Variants in VPS41 observed in about 807,000 individuals in gnomAD.
VPS41 encodes the protein VPS41 subunit of HOPS complex.
VPS41 carries 85 observed loss-of-function variants against 130.9 expected under a neutral mutation model. The observed-to-expected ratio is 0.65, with a 90% CI of 0.55 to 0.78. The LOEUF is 0.78. VPS41 is among the 30% of genes least tolerant of loss of function. The pLI is 0.00. For synonymous variants in VPS41, 335 were observed against 332.9 expected (o/e 1.01, Z -0.07); for missense variants, 874 against 1,018.7 (o/e 0.86, Z 1.93).
intron 2 of VPS41, among the ~76,000 whole-genome samples, chr7:38,890,874 C>T (rs4275134): frequency 0.89 from 134,792 of 152,028 alleles, 59,829 homozygotes; most frequent in East Asian, 1. Context: ...TTTGTAGAGA[C>T]GGGGTCTCAC....
chr7:38,832,315 CTTTCTT>C (rs1785403207), intron 4 of VPS41, among the ~76,000 whole-genome samples: 4 of 126,388 alleles, frequency 3.2e-5, no homozygotes, highest in African/African-American at 1.2e-4. Context: ...CATTTTCTTT[CTTTCTT>C]TTTTTTTTTT....
intron 2 of VPS41, among the ~76,000 whole-genome samples, chr7:38,892,259 G>C (rs1387254604): frequency 2.6e-5 from 4 of 152,090 alleles, no homozygotes; most frequent in Non-Finnish European, 5.9e-5. Context: ...AGTATAACTA[G>C]AGGTTGGAGC....
chr7:38,838,456 G>A (rs112004031), intron 4 of VPS41, among the ~76,000 whole-genome samples: 42 of 152,270 alleles, frequency 2.8e-4, no homozygotes, highest in African/African-American at 9.4e-4. Context: ...AAAGAGATGA[G>A]AGAAAAGAAG....
chr7:38,832,382 C>T (rs1033574730), intron 4 of VPS41, among the ~76,000 whole-genome samples: 98 of 146,516 alleles, frequency 6.7e-4, no homozygotes, highest in African/African-American at 2.3e-3. Flanking sequence ...TGCAGCGGCA[C>T]AATCTCAGCT....
chr7:38,772,642 A>C lies in VPS41; in HGVS notation c.1013-5T>G. 1 of 1,595,242 alleles carries C rather than the reference A, an allele frequency of 6.3e-7. No homozygotes were observed. Among genetic ancestry groups the C allele is most frequent in the Non-Finnish European group, 8.6e-7 (1 of 1,164,976 alleles). ...GTGATTCCCCTTCAGAGTATTCTGT[A>C]GGTGAGAAAAGAGAGGAACGACTTG... On this transcript the variant is annotated splice_region_variant and splice_polypyrimidine_tract_variant and intron_variant, in intron 12 of 28. Coordinates refer to ENST00000310301, the MANE Select transcript of VPS41 (RefSeq NM_014396.4).
rs76048472 is a variant in VPS41, at chr7:38,834,290, G to T, written c.247-3962C>A. Among the ~76,000 whole-genome samples the T allele has an allele frequency of 9.9e-5, 15 of 152,122 alleles. No individual in the cohort carries two copies. In the East Asian group the frequency reaches 2.9e-3, roughly 29 times the overall value. On this transcript the variant is annotated intron_variant, in intron 4 of 28. Transcript: ENST00000310301. ...ATGGAACATTTCTCCATTTATTTAGGTCTTCTTCAGTATCTCTAAATAAAG... is the reference window on the plus strand; with the variant it reads ...ATGGAACATTTCTCCATTTATTTAGTTCTTCTTCAGTATCTCTAAATAAAG...
At chr7:38,741,703 T>A (rs183706336) in intron 25 of VPS41, among the ~76,000 whole-genome samples, 2 of 152,226 alleles carry the variant, frequency 1.3e-5, no homozygotes, top group African/African-American at 4.8e-5. Context: ...ATATTAACCA[T>A]ACAAATGTAA....
intron 2 of VPS41, among the ~76,000 whole-genome samples, chr7:38,873,629 G>A (rs1786422871): frequency 6.6e-6 from 1 of 152,172 alleles, no homozygotes; most frequent in African/African-American, 2.4e-5. Flanking sequence ...TAGTGGAATA[G>A]TACAAGTCCT....
intron 2 of VPS41, among the ~76,000 whole-genome samples, chr7:38,894,442 G>A (rs1005580186): frequency 3.0e-4 from 46 of 151,822 alleles, no homozygotes; most frequent in African/African-American, 1.1e-3. Flanking sequence ...CGGGGGGCAC[G>A]GAGGCTAGGG....
chr7:38,766,807 C>T (rs1278672674), intron 15 of VPS41, among the ~76,000 whole-genome samples: 3 of 152,170 alleles, frequency 2.0e-5, no homozygotes, highest in South Asian at 2.1e-4. Context: ...TTGTGAAGAA[C>T]GACACGTTTG....
chr7:38,814,889 A>G (rs1407603019), intron 7 of VPS41, among the ~76,000 whole-genome samples: 1 of 152,158 alleles, frequency 6.6e-6, no homozygotes, highest in Non-Finnish European at 1.5e-5. Context: ...TGATTTATCA[A>G]TATTTTAAGT....
At chr7:38,730,273 G>A (rs1258198840) in intron 25 of VPS41, among the ~76,000 whole-genome samples, 1 of 152,132 alleles carries the variant, frequency 6.6e-6, no homozygotes, top group East Asian at 1.9e-4. Context: ...ATGCCACTGG[G>A]GAAGAAAAGT....
intron 25 of VPS41, among the ~76,000 whole-genome samples, chr7:38,732,451 T>A (rs1468991228): frequency 6.6e-6 from 1 of 152,232 alleles, no homozygotes; most frequent in Non-Finnish European, 1.5e-5. Flanking sequence ...CCCTCTTGAA[T>A]AATAATCTTA....
At chr7:38,767,491 C>A in intron 15 of VPS41, 46 bp downstream of exon 15, 1 of 1,391,114 alleles carries the variant, frequency 7.2e-7, no homozygotes, top group South Asian at 1.3e-5. Flanking sequence ...TAGCAATGCT[C>A]AATTCTATTT....
intron 4 of VPS41, among the ~76,000 whole-genome samples, chr7:38,839,974 C>G (rs1785576669): frequency 2.0e-5 from 3 of 152,210 alleles, no homozygotes. Context: ...TTCCCCAGGA[C>G]AGCCATCCAC....
At chr7:38,746,092 T>A (rs1795979751) in intron 22 of VPS41, 1 of 153,020 alleles carries the variant, frequency 6.5e-6, no homozygotes, top group African/African-American at 2.4e-5. Flanking sequence ...AATGAACGAA[T>A]GAATGATTGA....
At chr7:38,883,032 C>A (rs751101829) in intron 2 of VPS41, among the ~76,000 whole-genome samples, 1 of 150,844 alleles carries the variant, frequency 6.6e-6, no homozygotes. Flanking sequence ...TACTTGAGGT[C>A]AGGAGTTTGA....
chr7:38,769,215 G>A (rs1390752289), intron 14 of VPS41, among the ~76,000 whole-genome samples: 9 of 152,106 alleles, frequency 5.9e-5, no homozygotes, highest in African/African-American at 1.9e-4. Context: ...CCCATGAAAT[G>A]ACCTTGCTCT....
intron 2 of VPS41, among the ~76,000 whole-genome samples, chr7:38,895,061 C>A (rs1786951564): frequency 6.6e-6 from 1 of 152,236 alleles, no homozygotes; most frequent in Non-Finnish European, 1.5e-5. Flanking sequence ...GTGGCTCACG[C>A]CTATAATCCC....
Sources: allele counts gnomAD v4.1 joint callset (sites outside exome capture counted in the v4.1 genomes callset), GRCh38; gene constraint gnomAD v4.1.1; transcripts MANE v1.5; gene names NCBI Gene and HGNC (gene_info 2026-07-23, HGNC 2026-07-21).